The following MFHAS1 variants were observed in gnomAD, a reference collection of about 807,000 sequenced individuals.
MFHAS1 encodes multifunctional ROCO family signaling regulator 1, also known as malignant fibrous histiocytoma-amplified sequence 1.
In MFHAS1, 50 loss-of-function variants were observed where a neutral mutation model predicts 70.4. The observed-to-expected ratio is 0.71, with a 90% CI of 0.57 to 0.90. MFHAS1 has a LOEUF of 0.90. Among genes scored for constraint, MFHAS1 ranks in the 40% least tolerant of loss-of-function variants. The pLI, the probability that MFHAS1 is intolerant of heterozygous loss-of-function variation, is 0.00. For synonymous variants in MFHAS1, 952 were observed against 620.0 expected (o/e 1.54, Z -7.96); for missense variants, 1,795 against 1,347.6 (o/e 1.33, Z -5.20).
chr8:8,853,045 T>C (rs1048653735), intron 1 of MFHAS1, among the ~76,000 whole-genome samples: 1 of 152,162 alleles, frequency 6.6e-6, no homozygotes, highest in South Asian at 2.1e-4. Flanking sequence ...GATTCTGTTC[T>C]CAGCAGCAAC....
rs970029488 is a variant in MFHAS1, at chr8:8,784,714, C to G, written c.*1308G>C. 1 of 152,184 alleles carries G rather than the reference C, an allele frequency of 6.6e-6. No homozygotes were observed. The highest frequency in any genetic ancestry group is 1.5e-5 in the Non-Finnish European group (1 of 68,036). 9.4% of individuals were successfully genotyped at this position (152,184 alleles called of 1,614,324 possible). ...CTGGCGAGAAGCAGTCAGTTTTATA[C>G]ATTTTCGATCAACCCACGGAGGAGG... On this transcript the variant is annotated 3_prime_UTR_variant, in exon 3 of 3. Transcript: ENST00000276282.
chr8:8,889,843 T>C (rs148425257), intron 1 of MFHAS1, among the ~76,000 whole-genome samples: 17 of 152,350 alleles, frequency 1.1e-4, no homozygotes, highest in Middle Eastern at 3.4e-3. Context: ...TTTGGAAGTC[T>C]GAGTCTGTTA....
Position 8,890,496 on chromosome 8 carries a change from G to A in MFHAS1, c.2563C>T (p.Gln855Ter). Residue 855 changes from glutamine (Q) to a stop codon, truncating the protein, a stop_gained, in exon 1 of 3, where the codon CAG becomes TAG. Transcript: ENST00000276282. LOFTEE classifies it high-confidence loss of function. ...TAWYKFPCYV[Q>*]NEVPHAEAWI... ...GCTTCTGCATGGGGCACCTCGTTCTGCACATAGCATGGGAACTTGTACCAA... is the reference window on the plus strand; with the variant it reads ...GCTTCTGCATGGGGCACCTCGTTCTACACATAGCATGGGAACTTGTACCAA... The A allele has an allele frequency of 6.2e-7, 1 of 1,613,486 alleles. No homozygotes were observed. The highest frequency in any genetic ancestry group is 8.5e-7 in the Non-Finnish European group (1 of 1,180,012).
chr8:8,804,419 A>G (rs1806208356), intron 1 of MFHAS1, among the ~76,000 whole-genome samples: 1 of 152,220 alleles, frequency 6.6e-6, no homozygotes, highest in Admixed American at 6.5e-5. Context: ...ACAAACAAAC[A>G]AAAAAACAAC....
chr8:8,847,249 T>G (rs1436994382), intron 1 of MFHAS1, among the ~76,000 whole-genome samples: 1 of 152,216 alleles, frequency 6.6e-6, no homozygotes, highest in Non-Finnish European at 1.5e-5. Flanking sequence ...TGGCTTGATG[T>G]GGGCTCACTG....
chr8:8,891,496 A>C lies in MFHAS1; in HGVS notation c.1563T>G (p.His521Gln). The change falls in exon 1 of 3, where the codon CAT becomes CAG. Residue 521 changes from histidine to glutamine, a missense_variant. Physicochemically the swap from His to Gln is conservative, Grantham distance 24. Transcript: ENST00000276282. The surrounding 1 kb of genome is among the most constrained non-coding windows in gnomAD (Gnocchi z 5.4). ...HFPTTVGSFLHRVGARVPHAV... is the reference protein window; with the variant it reads ...HFPTTVGSFLQRVGARVPHAV... ...CGTGGGGCACTCTCGCCCCGACCCG[A>C]TGCAAGAAGGAGCCCACGGTGGTAG... The C allele has an allele frequency of 6.2e-7, 1 of 1,613,058 alleles. No homozygotes were observed. Among genetic ancestry groups the C allele is most frequent in the Non-Finnish European group, 8.5e-7 (1 of 1,180,000 alleles).
intron 1 of MFHAS1, among the ~76,000 whole-genome samples, chr8:8,815,563 C>T (rs906921984): frequency 1.3e-5 from 2 of 152,140 alleles, no homozygotes; most frequent in Admixed American, 6.5e-5. Context: ...GCCATTCTGA[C>T]TGGTGTGAGA....
chr8:8,786,702 G>GTT (rs1393383488), intron 2 of MFHAS1, among the ~76,000 whole-genome samples: 2 of 63,844 alleles, frequency 3.1e-5, no homozygotes, highest in Non-Finnish European at 6.9e-5. Flanking sequence ...TTTTGAAAGT[G>GTT]GTTTTTTTTT....
intron 1 of MFHAS1, among the ~76,000 whole-genome samples, chr8:8,818,523 G>A (rs1474796473): frequency 6.6e-6 from 1 of 152,194 alleles, no homozygotes; most frequent in South Asian, 2.1e-4. Context: ...TAACCCTGTG[G>A]AACTGACTTA....
chr8:8,809,333 A>T (rs1806458852), intron 1 of MFHAS1, among the ~76,000 whole-genome samples: 1 of 152,202 alleles, frequency 6.6e-6, no homozygotes, highest in Admixed American at 6.5e-5. Flanking sequence ...ACAAGGTTGG[A>T]GACAGCTGCT....
At chr8:8,815,513 G>C (rs181838645) in intron 1 of MFHAS1, among the ~76,000 whole-genome samples, 136 of 152,250 alleles carry the variant, frequency 8.9e-4, no homozygotes, top group Non-Finnish European at 1.8e-3. Flanking sequence ...TTTCTCCACA[G>C]CTTCGCCAGC....
intron 2 of MFHAS1, among the ~76,000 whole-genome samples, chr8:8,787,440 G>A (rs539932800): frequency 7.2e-5 from 11 of 152,082 alleles, no homozygotes; most frequent in Non-Finnish European, 1.5e-4. Flanking sequence ...CCCCAAGGGT[G>A]CATACTAGCG....
rs1400443958 is a variant in MFHAS1, at chr8:8,890,197, G to A, written c.2862C>T (p.Thr954=). Residue 954 remains threonine, a synonymous_variant, in exon 1 of 3, where the codon ACC becomes ACT. Coordinates refer to ENST00000276282, the MANE Select transcript of MFHAS1 (RefSeq NM_004225.3). ...CCAAGGGGGTTATGGCTTGCCATGC[G>A]GTCCATATATTTGGTAATGATGCAT... ...ASHASLPNIW[T]AWQAITPLVE... The A allele has an allele frequency of 1.2e-6, 2 of 1,614,012 alleles. No individual in the cohort carries two copies. Among genetic ancestry groups the A allele is most frequent in the South Asian group, 1.1e-5 (1 of 91,082 alleles).
chr8:8,824,546 C>G (rs1260246598), intron 1 of MFHAS1, among the ~76,000 whole-genome samples: 1 of 52,970 alleles, frequency 1.9e-5, no homozygotes, highest in Non-Finnish European at 5.1e-5. Flanking sequence ...CACACACACA[C>G]ACACACACAC....
intron 1 of MFHAS1, among the ~76,000 whole-genome samples, chr8:8,805,168 G>C (rs1806244722): frequency 6.6e-6 from 1 of 152,084 alleles, no homozygotes; most frequent in African/African-American, 2.4e-5. Context: ...GGAAAAAACT[G>C]CTACTATTTT....
chr8:8,809,303 A>G (rs1806457379), intron 1 of MFHAS1, among the ~76,000 whole-genome samples: 1 of 151,968 alleles, frequency 6.6e-6, no homozygotes, highest in Non-Finnish European at 1.5e-5. Flanking sequence ...CATCCCACCA[A>G]CCCCAGTCTG....
intron 1 of MFHAS1, among the ~76,000 whole-genome samples, chr8:8,820,807 G>A (rs747869657): frequency 1.1e-4 from 16 of 152,212 alleles, no homozygotes; most frequent in Admixed American, 2.6e-4. Flanking sequence ...GACCAAGTGC[G>A]AAGCATGATT....
chr8:8,833,065 G>A (rs932614818), intron 1 of MFHAS1, among the ~76,000 whole-genome samples: 5 of 152,210 alleles, frequency 3.3e-5, no homozygotes, highest in African/African-American at 1.2e-4. Flanking sequence ...TGTCTTACAT[G>A]GCAGGAGCAG....
chr8:8,825,616 G>A (rs1396109086), intron 1 of MFHAS1, among the ~76,000 whole-genome samples: 2 of 152,154 alleles, frequency 1.3e-5, no homozygotes, highest in African/African-American at 4.8e-5. Context: ...CCTTCCCTCT[G>A]AGGATGTTTG....
Sources: gnomAD v4.1 joint callset for allele counts (sites outside exome capture counted in the v4.1 genomes callset) on GRCh38, gnomAD v4.1.1 for gene constraint, Gnocchi (gnomAD v3.1) non-coding constraint, MANE v1.5 for transcripts, NCBI Gene and HGNC (gene_info 2026-07-23, HGNC 2026-07-21) for gene names.